Variants in SNAP29 observed in about 807,000 individuals in gnomAD.
SNAP29 encodes synaptosomal-associated protein 29.
A neutral mutation model predicts 27.9 loss-of-function variants in SNAP29; 13 were observed. The observed-to-expected ratio is 0.47, with a 90% confidence interval of 0.30 to 0.74. The LOEUF (loss-of-function observed/expected upper bound fraction) is 0.74. SNAP29 is among the 30% of genes least tolerant of loss of function. The pLI is 0.06. For synonymous variants in SNAP29, 119 were observed against 127.1 expected (o/e 0.94, Z 0.43); for missense variants, 368 against 336.5 (o/e 1.09, Z -0.73).
Position 20,887,726 on chromosome 22 carries a change from A to G in SNAP29, c.667A>G (p.Met223Val). The change falls in exon 5 of 5, where the codon ATG becomes GTG. Residue 223 changes from methionine (M) to valine (V), a missense_variant. By Grantham distance (21) the Met-to-Val change is conservative. Transcript: ENST00000215730. ...TCGTCTGAAGGACATAGCCCTGGGG[A>G]TGCAGACAGAAATTGAGGAGCAAGA... is the stretch of plus-strand genomic sequence containing the variant. ...LGRLKDIALG[M>V]QTEIEEQDDI... is the part of the protein sequence containing the mutation. 6.2e-7 allele frequency: 1 copy of G among 1,614,178 alleles called. No individual in the cohort carries two copies. Among genetic ancestry groups the G allele is most frequent in the Non-Finnish European group, 8.5e-7 (1 of 1,180,034 alleles).
intron 2 of SNAP29, among the ~76,000 whole-genome samples, chr22:20,871,404 G>T (rs1928587941): frequency 6.9e-6 from 1 of 144,098 alleles, no homozygotes; most frequent in Non-Finnish European, 1.5e-5. Context: ...GATTGCTTTA[G>T]CCCAGGTGTT....
rs151146863 is a variant in SNAP29, at chr22:20,870,364, G to A, written c.265G>A (p.Glu89Lys). 2.6e-4 allele frequency: 419 copies of A among 1,614,142 alleles called. 2 individuals carry two copies. In the East Asian group the frequency reaches 7.4e-3, roughly 28 times the overall value. ...EELARQRGVL[E>K]RTEKMVDKMD... The stretch of plus-strand genomic sequence containing the variant: ...GCTCGCCCGTCAGCGAGGAGTCCTG[G>A]AGCGCACAGAGAAGATGGTGGACAA... Residue 89 changes from glutamate (E) to lysine (K), a missense_variant, in exon 2 of 5, where the codon GAG becomes AAG. Physicochemically the swap from Glu to Lys is moderately conservative, Grantham distance 56. Coordinates refer to ENST00000215730, the MANE Select transcript of SNAP29 (RefSeq NM_004782.4).
intron 4 of SNAP29, among the ~76,000 whole-genome samples, chr22:20,885,303 C>T (rs1459000087): frequency 2.0e-5 from 3 of 152,238 alleles, no homozygotes; most frequent in Non-Finnish European, 4.4e-5. Flanking sequence ...AAATCCTCCC[C>T]TGCTGTAAAG....
At chr22:20,870,611 C>A in intron 2 of SNAP29, 78 bp downstream of exon 2, 1 of 1,339,190 alleles carries the variant, frequency 7.5e-7, no homozygotes, top group Non-Finnish European at 1.1e-6. Flanking sequence ...TTTCAGTCCA[C>A]GTCAGTGCCA....
intron 4 of SNAP29, among the ~76,000 whole-genome samples, chr22:20,883,958 C>T (rs1013521868): frequency 3.9e-5 from 6 of 152,154 alleles, no homozygotes; most frequent in Non-Finnish European, 8.8e-5. Context: ...CCAGAAAGTG[C>T]CTGGGATGGT....
intron 1 of SNAP29, among the ~76,000 whole-genome samples, chr22:20,866,527 C>A (rs1928463990): frequency 6.6e-6 from 1 of 152,178 alleles, no homozygotes; most frequent in Non-Finnish European, 1.5e-5. Context: ...CCGTCAGGAA[C>A]CTGGGGAGGT....
chr22:20,863,048 C>G (rs201352790), intron 1 of SNAP29, among the ~76,000 whole-genome samples: 1 of 152,180 alleles, frequency 6.6e-6, no homozygotes, highest in East Asian at 1.9e-4. Flanking sequence ...CCACCACACT[C>G]GACTAATTTT....
Position 20,859,087 on chromosome 22 carries a change from C to G in SNAP29, c.-24C>G, listed in dbSNP as rs775843099. On this transcript the variant is annotated 5_prime_UTR_variant, in exon 1 of 5. Transcript: ENST00000215730. ...CAGTGGGGCTCCTCCTTCTGTTTCC[C>G]AGACCGAGAGCCGCGCCGGCACCAT... is the stretch of plus-strand genomic sequence containing the variant. 2.5e-6 allele frequency: 4 copies of G among 1,570,498 alleles called. No homozygotes were observed. The South Asian group carries it at 4.5e-5, about 18-fold the overall frequency.
chr22:20,859,742 T>G, intron 1 of SNAP29: 16 of 269,728 alleles, frequency 5.9e-5, no homozygotes, highest in East Asian at 4.3e-4. Flanking sequence ...GTTTTGGCCA[T>G]TCCTTCCGGA....
intron 1 of SNAP29, among the ~76,000 whole-genome samples, chr22:20,867,753 T>C (rs959668058): frequency 2.0e-5 from 3 of 152,154 alleles, no homozygotes; most frequent in African/African-American, 4.8e-5. Flanking sequence ...TCCTTAACAG[T>C]AGCACAGACT....
In SNAP29 at chr22:20,887,764, C is replaced by G. The variant is rs1465546915; in HGVS notation, c.705C>G (p.Asp235Glu). 4 of 1,613,998 alleles carry G rather than the reference C, an allele frequency of 2.5e-6. No individual in the cohort carries two copies. In the African/African-American group the frequency reaches 5.3e-5, roughly 22 times the overall value. The stretch of plus-strand genomic sequence containing the variant: ...TTGAGGAGCAAGATGACATTCTTGA[C>G]CGGCTGACAACCAAAGTGGACAAGT... ...TEIEEQDDILDRLTTKVDKLD... is the reference protein window; with the variant it reads ...TEIEEQDDILERLTTKVDKLD... Residue 235 changes from aspartate to glutamate, a missense_variant, in exon 5 of 5, where the codon GAC becomes GAG. Asp to Glu is a conservative substitution (Grantham distance 45). Transcript: ENST00000215730.
At chr22:20,871,482 T>TAAAAAAAAAAAAAA (rs58294079) in intron 2 of SNAP29, among the ~76,000 whole-genome samples, 1 of 64,150 alleles carries the variant, frequency 1.6e-5, no homozygotes, top group African/African-American at 6.3e-5. Flanking sequence ...TCCCTGTCTC[T>TAAAAAAAAAAAAAA]AAAAAAAAAA....
intron 4 of SNAP29, among the ~76,000 whole-genome samples, chr22:20,885,391 G>A (rs941470945): frequency 6.6e-6 from 1 of 152,086 alleles, no homozygotes; most frequent in Non-Finnish European, 1.5e-5. Context: ...CCTGCTTGCT[G>A]TCTGGGAAGC....
intron 4 of SNAP29, among the ~76,000 whole-genome samples, chr22:20,887,211 C>G (rs1451891113): frequency 7.0e-6 from 1 of 143,162 alleles, no homozygotes; most frequent in Non-Finnish European, 1.5e-5. Context: ...GACAAAAGAG[C>G]AAAATGCTGT....
intron 1 of SNAP29, among the ~76,000 whole-genome samples, chr22:20,860,593 A>T (rs926935166): frequency 1.8e-4 from 27 of 151,126 alleles, no homozygotes; most frequent in Non-Finnish European, 3.7e-4. Flanking sequence ...CTGGTCTGGA[A>T]CTCCTGACCT....
intron 2 of SNAP29, among the ~76,000 whole-genome samples, chr22:20,876,961 A>G (rs1928762545): frequency 6.6e-6 from 1 of 152,074 alleles, no homozygotes; most frequent in Non-Finnish European, 1.5e-5. Context: ...GTCCTTGCTG[A>G]CAGCTTTCCA....
At chr22:20,871,813 T>C (rs1048700695) in intron 2 of SNAP29, among the ~76,000 whole-genome samples, 3 of 151,146 alleles carry the variant, frequency 2.0e-5, no homozygotes, top group Admixed American at 6.6e-5. Context: ...ACCCGGGAGG[T>C]GGAGCTTGCA....
intron 2 of SNAP29, among the ~76,000 whole-genome samples, chr22:20,880,221 G>A (rs914669629): frequency 6.6e-6 from 1 of 152,112 alleles, no homozygotes; most frequent in African/African-American, 2.4e-5. Flanking sequence ...CTTGGGGCCA[G>A]GCGCAGTGGC....
intron 1 of SNAP29, among the ~76,000 whole-genome samples, chr22:20,865,187 T>C (rs1306693338): frequency 6.6e-6 from 1 of 151,958 alleles, no homozygotes; most frequent in Non-Finnish European, 1.5e-5. Flanking sequence ...AAACCCTGGC[T>C]CTACAAAAAA....
Sources: allele counts gnomAD v4.1 joint callset (sites outside exome capture counted in the v4.1 genomes callset), GRCh38; gene constraint gnomAD v4.1.1; transcripts MANE v1.5; gene names NCBI Gene and HGNC (gene_info 2026-07-23, HGNC 2026-07-21).